Variants in SEC24D observed in about 807,000 individuals in gnomAD.
The protein encoded by SEC24D is protein transport protein Sec24D.
SEC24D carries 69 observed loss-of-function variants against 116.9 expected under a neutral mutation model. The ratio of observed to expected loss-of-function variants is 0.59; its 90% CI spans 0.49 to 0.72. The LOEUF (loss-of-function observed/expected upper bound fraction) is 0.72. Among genes scored for constraint, SEC24D ranks in the 30% least tolerant of loss-of-function variants. SEC24D has a pLI of 0.00. For missense variants in SEC24D, 1,131 were observed against 1,264.1 expected, an observed-to-expected ratio of 0.89 and a Z score of 1.60; for synonymous variants, 405 against 442.8, an observed-to-expected ratio of 0.91 and a Z score of 1.07.
In SEC24D at chr4:118,745,062, T is replaced by TGAA; in HGVS notation, c.1708-3_1708-2insTTC. 8.1e-7 allele frequency: 1 copy of TGAA among 1,233,800 alleles called. No individual in the cohort carries two copies. Among genetic ancestry groups the TGAA allele is most frequent in the Non-Finnish European group, 1.1e-6 (1 of 907,914 alleles). The allele number at this position is 1,233,800 out of a possible 1,614,324, so 76.4% of individuals were successfully genotyped here. On this transcript the variant is annotated splice_region_variant and splice_polypyrimidine_tract_variant and intron_variant, in intron 13 of 22. Transcript: ENST00000280551. The stretch of plus-strand genomic sequence containing the variant: ...CAGCTTCCCAGGACAGTCTGCTGCC[T>TGAA]AAAAAAAAAAAAAAACCCAAAAACC...
In SEC24D at chr4:118,817,355, G is replaced by A; in HGVS notation, c.306C>T (p.Pro102=). Residue 102 remains proline (P), a synonymous_variant, in exon 4 of 23, where the codon CCC becomes CCT. Transcript: ENST00000280551. Reference sequence around the variant, plus strand: ...GACCTGGATAAGAAGATTGTGCAGAGGGTTGGTATGGTGCATGTGAGGATG... The same window carrying A: ...GACCTGGATAAGAAGATTGTGCAGAAGGTTGGTATGGTGCATGTGAGGATG... The part of the protein sequence containing the change: ...NVASSHAPYQ[P]SAQSSYPGPI... 2.5e-6 allele frequency: 4 copies of A among 1,613,940 alleles called. No individual in the cohort carries two copies. Among genetic ancestry groups the A allele is most frequent in the Middle Eastern group, 1.6e-4 (1 of 6,062 alleles).
intron 6 of SEC24D, 136 bp downstream of exon 6, chr4:118,814,892 A>T: frequency 1.1e-6 from 1 of 934,688 alleles, no homozygotes; most frequent in Non-Finnish European, 1.6e-6. Context: ...TAAGGAAGGA[A>T]GCCTTCCCTC....
At chr4:118,746,114 T>G (rs1726512227) in intron 13 of SEC24D, among the ~76,000 whole-genome samples, 1 of 151,740 alleles carries the variant, frequency 6.6e-6, no homozygotes, top group Admixed American at 6.6e-5. Context: ...AGTTTGAGGC[T>G]GCAGTGAGCT....
rs750759697 is a variant in SEC24D at position 118,731,483 on chromosome 4, T to C, written c.2701A>G (p.Met901Val). Residue 901 changes from methionine (M) to valine (V), a missense_variant, in exon 21 of 23, where the codon ATG becomes GTG. Physicochemically the swap from Met to Val is conservative, Grantham distance 21. Coordinates refer to ENST00000280551, the MANE Select transcript of SEC24D (RefSeq NM_014822.4). ...GAGCAACGAACGGCAGCAGGTAACATTGTACTCTTGACATCTAACGTGTGC... is the reference window on the plus strand; with the variant it reads ...GAGCAACGAACGGCAGCAGGTAACACTGTACTCTTGACATCTAACGTGTGC... Reference protein sequence around the residue: ...PIHTLDVKSTMLPAAVRCSES... With the variant: ...PIHTLDVKSTVLPAAVRCSES... 32 of 1,613,966 alleles carry C rather than the reference T, an allele frequency of 2.0e-5. No individual in the cohort carries two copies. The highest frequency in any genetic ancestry group is 2.5e-5 in the Non-Finnish European group (30 of 1,179,976).
rs1560615454 is a variant in SEC24D, at chr4:118,739,143, T to C, written c.2377+6A>G. ...TTACTGAACCTCAGGATTGGCAAAG[T>C]GTTACCTGACTTGGCAAAGAAGTTG... On this transcript the variant is annotated splice_donor_region_variant and intron_variant, in intron 18 of 22. Transcript: ENST00000280551. The C allele has an allele frequency of 6.2e-7, 1 of 1,613,244 alleles. No individual in the cohort carries two copies. The highest frequency in any genetic ancestry group is 2.2e-5 in the East Asian group (1 of 44,844).
At chr4:118,761,062 A>C (rs889999388) in intron 10 of SEC24D, among the ~76,000 whole-genome samples, 2 of 151,698 alleles carry the variant, frequency 1.3e-5, no homozygotes, top group Admixed American at 6.6e-5. Context: ...TACTACCCTC[A>C]TTTTCTCATA....
chr4:118,736,453 C>T, intron 19 of SEC24D: 1 of 195,804 alleles, frequency 5.1e-6, no homozygotes, highest in Non-Finnish European at 1.1e-5. Flanking sequence ...ATCATACAAT[C>T]CAGATAGCTC....
chr4:118,824,568 G>C, intron 3 of SEC24D, 52 bp downstream of exon 3: 12 of 1,563,940 alleles, frequency 7.7e-6, no homozygotes, highest in Non-Finnish European at 1.0e-5. Flanking sequence ...AGGTATTTCT[G>C]AAATAATTTT....
At chr4:118,739,956 ACAT>A (rs1726149439) in intron 17 of SEC24D, among the ~76,000 whole-genome samples, 1 of 152,162 alleles carries the variant, frequency 6.6e-6, no homozygotes, top group Non-Finnish European at 1.5e-5. Flanking sequence ...CACTTGCTTA[ACAT>A]CGTATTACGG....
chr4:118,830,790 G>A (rs1163480608), intron 2 of SEC24D, among the ~76,000 whole-genome samples: 1 of 151,906 alleles, frequency 6.6e-6, no homozygotes, highest in Non-Finnish European at 1.5e-5. Context: ...AGATTTGCAT[G>A]GTATAAAAAA....
chr4:118,732,051 C>T (rs531407813), intron 20 of SEC24D, among the ~76,000 whole-genome samples: 3 of 82,084 alleles, frequency 3.7e-5, no homozygotes, highest in South Asian at 7.8e-4. Context: ...GAGGGGAGGG[C>T]GGGGCACACA....
At chr4:118,809,810 C>T (rs975224285) in intron 6 of SEC24D, among the ~76,000 whole-genome samples, 1 of 152,170 alleles carries the variant, frequency 6.6e-6, no homozygotes, top group Non-Finnish European at 1.5e-5. Flanking sequence ...AATAACACAT[C>T]CAACATCAGG....
chr4:118,782,825 C>T (rs1263834276), intron 8 of SEC24D, among the ~76,000 whole-genome samples: 3 of 152,230 alleles, frequency 2.0e-5, no homozygotes, highest in Non-Finnish European at 4.4e-5. Flanking sequence ...ACCCTCCCCC[C>T]TGCCAGGCTG....
chr4:118,732,833 G>C lies in SEC24D; in HGVS notation c.2576C>G (p.Pro859Arg). 1 of 1,613,976 alleles carries C rather than the reference G, an allele frequency of 6.2e-7. No homozygotes were observed. Among genetic ancestry groups the C allele is most frequent in the Non-Finnish European group, 8.5e-7 (1 of 1,179,900 alleles). ...LLKNCVLLSR[P>R]EISTDERAYQ... ...TGCTCGTTCATCAGTTGAGATCTCT[G>C]GTCTGCTGAGTAGTACACAGTTTTT... The change falls in exon 20 of 23, where the codon CCA (proline) becomes CGA (arginine). Residue 859 changes from proline (P) to arginine (R), a missense_variant. Transcript: ENST00000280551.
At chr4:118,732,119 G>C (rs565275899) in intron 20 of SEC24D, among the ~76,000 whole-genome samples, 5 of 152,028 alleles carry the variant, frequency 3.3e-5, no homozygotes, top group African/African-American at 9.7e-5. Context: ...TTTGAGCAAA[G>C]AAGTAATACG....
chr4:118,768,084 A>T, intron 9 of SEC24D, 89 bp downstream of exon 9: 1 of 1,146,656 alleles, frequency 8.7e-7, no homozygotes, highest in East Asian at 2.4e-5. Context: ...ATAGCAGAAA[A>T]AAGAATGTAT....
chr4:118,796,644 G>T (rs1032582667), intron 8 of SEC24D, among the ~76,000 whole-genome samples: 1 of 152,078 alleles, frequency 6.6e-6, no homozygotes, highest in Non-Finnish European at 1.5e-5. Context: ...TCCCTTAGTG[G>T]ACATAAAGCC....
rs1194206637 is a variant in SEC24D at position 118,807,492 on chromosome 4, G to GA, written c.802-1539dup. ...TAAGAGAAACAAGGAGGAATAAAAG[G>GA]AAAAAAAAATGGAGAGGGTGTAAGA... On this transcript the variant is annotated intron_variant, in intron 6 of 22. Transcript: ENST00000280551. 8.7e-3 allele frequency among the ~76,000 whole-genome samples: 1,187 copies of GA among 135,796 alleles called. 12 individuals are homozygous for GA. Among genetic ancestry groups the GA allele is most frequent in the African/African-American group, 0.031 (1,123 of 36,656 alleles). The allele number at this position is 135,796 out of a possible 152,430, so 89.1% of individuals were successfully genotyped here.
chr4:118,813,103 C>G (rs1386933983), intron 6 of SEC24D, among the ~76,000 whole-genome samples: 1 of 152,176 alleles, frequency 6.6e-6, no homozygotes, highest in African/African-American at 2.4e-5. Context: ...AGAGGAGGAG[C>G]TTATCCTGGC....
Sources: allele counts gnomAD v4.1 joint callset (sites outside exome capture counted in the v4.1 genomes callset), GRCh38; gene constraint gnomAD v4.1.1; transcripts MANE v1.5; gene names NCBI Gene and HGNC (gene_info 2026-07-23, HGNC 2026-07-21).